The following LIPI variants were observed in gnomAD, a reference collection of about 807,000 sequenced individuals.
LIPI encodes lipase I.
LIPI carries 59 observed loss-of-function variants against 50.6 expected under a neutral mutation model. The ratio of observed to expected loss-of-function variants is 1.16; its 90% CI spans 0.94 to 1.45. The LOEUF (loss-of-function observed/expected upper bound fraction) is 1.45, where lower values mean the gene tolerates loss of function less well. Ranked by LOEUF, LIPI falls within the 40% of genes most tolerant of loss-of-function variation. The pLI is 0.00. For missense variants in LIPI, 586 were observed against 536.3 expected (o/e 1.09, Z -0.92); for synonymous variants, 203 against 178.2 (o/e 1.14, Z -1.11).
intron 1 of LIPI, among the ~76,000 whole-genome samples, chr21:14,199,240 A>T (rs1334825277): frequency 6.6e-6 from 1 of 152,086 alleles, no homozygotes; most frequent in Non-Finnish European, 1.5e-5. Context: ...ACAAATAACC[A>T]AAATCAGAGC....
chr21:14,128,132 A>C (rs1477554100), intron 9 of LIPI, among the ~76,000 whole-genome samples: 1 of 152,042 alleles, frequency 6.6e-6, no homozygotes, highest in Non-Finnish European at 1.5e-5. Flanking sequence ...ATGTATACAC[A>C]CAGACACTGT....
chr21:14,154,880 G>A (rs571301199), intron 7 of LIPI, among the ~76,000 whole-genome samples: 5 of 151,922 alleles, frequency 3.3e-5, no homozygotes, highest in Non-Finnish European at 7.4e-5. Flanking sequence ...TTTGACACAA[G>A]AGATACAATG....
At chr21:14,181,444 A>G (rs183929666) in intron 4 of LIPI, among the ~76,000 whole-genome samples, 11 of 152,120 alleles carry the variant, frequency 7.2e-5, no homozygotes, top group African/African-American at 2.7e-4. Context: ...ACATGGGGGA[A>G]AATGTGATCA....
At chr21:14,182,313 C>A (rs1056011537) in intron 3 of LIPI, among the ~76,000 whole-genome samples, 5 of 152,064 alleles carry the variant, frequency 3.3e-5, no homozygotes, top group African/African-American at 1.2e-4. Flanking sequence ...TGGGATAAAT[C>A]ATGTTATCTT....
At chr21:14,148,164 A>G (rs769830070) in intron 8 of LIPI, among the ~76,000 whole-genome samples, 1 of 152,184 alleles carries the variant, frequency 6.6e-6, no homozygotes, top group Non-Finnish European at 1.5e-5. Flanking sequence ...AAAAAAAATC[A>G]TATGTCTGCA....
In LIPI at chr21:14,166,646, T is replaced by C. The variant is rs181954266; in HGVS notation, c.644-195A>G. 2.0e-4 allele frequency among the ~76,000 whole-genome samples: 30 copies of C among 152,370 alleles called. No homozygotes were observed. In the East Asian group the frequency reaches 4.8e-3, roughly 24 times the overall value. On this transcript the variant is annotated intron_variant, in intron 4 of 9. Transcript: ENST00000681601. Reference sequence around the variant, plus strand: ...AAGTATATTTCATTAATTTAATATATTTGCCAGTCAGCAGTTTACTATCGG... The same window carrying C: ...AAGTATATTTCATTAATTTAATATACTTGCCAGTCAGCAGTTTACTATCGG...
intron 4 of LIPI, among the ~76,000 whole-genome samples, chr21:14,174,176 A>C (rs989627206): frequency 6.6e-6 from 1 of 152,136 alleles, no homozygotes; most frequent in African/African-American, 2.4e-5. Flanking sequence ...GGATAAAAGA[A>C]ATTTGTCATT....
chr21:14,172,104 A>C (rs1189679983), intron 4 of LIPI, among the ~76,000 whole-genome samples: 1 of 152,198 alleles, frequency 6.6e-6, no homozygotes, highest in Non-Finnish European at 1.5e-5. Context: ...CAGCCAAAAA[A>C]CACATGAAAA....
At chr21:14,132,688 G>A (rs78620963) in intron 9 of LIPI, among the ~76,000 whole-genome samples, 4,117 of 151,956 alleles carry the variant, frequency 0.027, 174 homozygotes, top group African/African-American at 0.091. Context: ...GAATAAAATG[G>A]CAACACTACA....
At chr21:14,155,177 T>A (rs551639273) in intron 7 of LIPI, among the ~76,000 whole-genome samples, 5 of 151,978 alleles carry the variant, frequency 3.3e-5, no homozygotes, top group African/African-American at 1.2e-4. Context: ...CTTCCAAAAT[T>A]ACAGAAACAA....
rs899734762 is a variant in LIPI at position 14,152,431 on chromosome 21, T to A, written c.1118+142A>T. 3 of 591,426 alleles carry A rather than the reference T, an allele frequency of 5.1e-6. No individual in the cohort carries two copies. The Admixed American group carries it at 9.3e-5, about 18-fold the overall frequency. 36.6% of individuals were successfully genotyped at this position (591,426 alleles called of 1,614,324 possible). A position where few individuals can be genotyped will look rare whatever the true frequency, so the allele number is the denominator to read the frequency against. ...AAAATAAAGGAATTAGAATATAACA[T>A]ATGAGATCCTTTTAATATTTAACAT... On this transcript the variant is annotated intron_variant, in intron 8 of 9. Coordinates refer to ENST00000681601, the MANE Select transcript of LIPI (RefSeq NM_001302998.2).
intron 9 of LIPI, among the ~76,000 whole-genome samples, chr21:14,111,853 GT>G (rs35033223): frequency 0.5 from 76,222 of 151,620 alleles, 19,203 homozygotes; most frequent in Admixed American, 0.53. Flanking sequence ...ATTTTGTTTT[GT>G]TTTTTTAAAA....
chr21:14,109,953 A>G (rs2016336915), intron 9 of LIPI, among the ~76,000 whole-genome samples: 1 of 151,898 alleles, frequency 6.6e-6, no homozygotes, highest in South Asian at 2.1e-4. Flanking sequence ...AAAAATAAAA[A>G]CACTATAATT....
intron 9 of LIPI, among the ~76,000 whole-genome samples, chr21:14,117,478 G>A (rs2016694696): frequency 6.6e-6 from 1 of 152,220 alleles, no homozygotes; most frequent in Non-Finnish European, 1.5e-5. Context: ...AATAGAAACT[G>A]ATCCAGGCTG....
At chr21:14,163,312 G>A (rs2018558549) in intron 7 of LIPI, 107 bp downstream of exon 7, 1 of 643,454 alleles carries the variant, frequency 1.6e-6, no homozygotes, top group South Asian at 1.8e-5. Context: ...TTGCCTGAAA[G>A]AACATGATGG....
chr21:14,165,537 A>G, intron 5 of LIPI, 147 bp from the exon 6 acceptor site: 1 of 614,254 alleles, frequency 1.6e-6, no homozygotes, highest in Non-Finnish European at 2.9e-6. Context: ...ATGTCAAACC[A>G]CTAAACAAAT....
At chr21:14,116,558 G>T (rs1307471898) in intron 9 of LIPI, among the ~76,000 whole-genome samples, 1 of 152,218 alleles carries the variant, frequency 6.6e-6, no homozygotes, top group Non-Finnish European at 1.5e-5. Context: ...ATGGAATGAA[G>T]TTAAGACCGC....
intron 7 of LIPI, among the ~76,000 whole-genome samples, chr21:14,159,753 T>C (rs573967057): frequency 2.2e-4 from 33 of 151,514 alleles, no homozygotes; most frequent in South Asian, 6.2e-4. Flanking sequence ...AATGAATCTA[T>C]TGTTTTAACC....
At chr21:14,206,080 A>T (rs2020217904) in intron 1 of LIPI, among the ~76,000 whole-genome samples, 1 of 152,164 alleles carries the variant, frequency 6.6e-6, no homozygotes, top group East Asian at 1.9e-4. Context: ...TGGGGAAGTT[A>T]TAAATAATCA....
Sources: gnomAD v4.1 joint callset for allele counts (sites outside exome capture counted in the v4.1 genomes callset) on GRCh38, gnomAD v4.1.1 for gene constraint, MANE v1.5 for transcripts, NCBI Gene and HGNC (gene_info 2026-07-23, HGNC 2026-07-21) for gene names.